APPL2: variants seen among roughly 807,000 people sequenced by gnomAD.
The protein encoded by APPL2 is adaptor protein, phosphotyrosine interacting with PH domain and leucine zipper 2.
A neutral mutation model predicts 92.7 loss-of-function variants in APPL2; 84 were observed. That is an observed-to-expected ratio of 0.91 (90% CI 0.76 to 1.09). The LOEUF (loss-of-function observed/expected upper bound fraction) is 1.09, where lower values mean the gene tolerates loss of function less well. APPL2 is among the 50% of genes least tolerant of loss of function. The pLI is 0.00. For missense variants in APPL2, 736 were observed against 824.5 expected, an observed-to-expected ratio of 0.89 and a Z score of 1.31; for synonymous variants, 291 against 291.0, an observed-to-expected ratio of 1.00 and a Z score of 0.00.
intron 17 of APPL2, among the ~76,000 whole-genome samples, chr12:105,184,449 A>T (rs1326651545): frequency 6.6e-6 from 1 of 152,082 alleles, no homozygotes; most frequent in Non-Finnish European, 1.5e-5. Context: ...GTTTTTGTGT[A>T]GTCATCCTTT....
chr12:105,195,158 A>G (rs1887529128), intron 14 of APPL2, 103 bp downstream of exon 14: 4 of 1,184,878 alleles, frequency 3.4e-6, no homozygotes, highest in Admixed American at 2.0e-5. Context: ...AAACAGGCTG[A>G]AAAACATGCC....
chr12:105,209,212 A>G (rs1488066131), intron 5 of APPL2, among the ~76,000 whole-genome samples: 1 of 152,126 alleles, frequency 6.6e-6, no homozygotes, highest in Non-Finnish European at 1.5e-5. Context: ...AAGGCCGAGA[A>G]ATGTAAGATA....
At chr12:105,232,765 A>C (rs12813304) in intron 1 of APPL2, among the ~76,000 whole-genome samples, 2 of 3,934 alleles carry the variant, frequency 5.1e-4, no homozygotes, top group African/African-American at 1.7e-3. Flanking sequence ...CCCTGTCTCA[A>C]AAAAAAAAAA....
At chr12:105,216,037 A>G (rs1889658273) in intron 4 of APPL2, among the ~76,000 whole-genome samples, 1 of 152,124 alleles carries the variant, frequency 6.6e-6, no homozygotes, top group South Asian at 2.1e-4. Flanking sequence ...ATAAACAACA[A>G]AAAAAGATGG....
intron 17 of APPL2, among the ~76,000 whole-genome samples, chr12:105,187,089 T>G (rs557453537): frequency 1.6e-4 from 24 of 152,342 alleles, no homozygotes; most frequent in Middle Eastern, 3.4e-3. Context: ...TATTTTCCTT[T>G]GATCTTTTTG....
At chr12:105,212,118 CAAAAA>C (rs5800657) in intron 4 of APPL2, among the ~76,000 whole-genome samples, 5 of 72,412 alleles carry the variant, frequency 6.9e-5, no homozygotes, top group South Asian at 7.3e-4. Context: ...GACTCCATCT[CAAAAA>C]AAAAAAAAAA....
Position 105,208,166 on chromosome 12 carries a change from G to A in APPL2, c.407C>T (p.Ala136Val), listed in dbSNP as rs1888910248. The change falls in exon 6 of 21, where the codon GCT (alanine) becomes GTT (valine). Residue 136 changes from alanine (A) to valine (V), a missense_variant. By Grantham distance (64) the Ala-to-Val change is moderately conservative. Transcript: ENST00000258530. ...ATGGAGAAGGTGCCTACCATTGCTA[G>A]CGAGTCCAAATAGATCCTTTAAAGT... ...VSTLKDLFGL[A>V]SNEHDLSMAK... 1.9e-6 allele frequency: 3 copies of A among 1,614,246 alleles called. No homozygotes were observed. Among genetic ancestry groups the A allele is most frequent in the Non-Finnish European group, 2.5e-6 (3 of 1,180,040 alleles).
intron 16 of APPL2, among the ~76,000 whole-genome samples, chr12:105,189,177 C>T (rs1478087543): frequency 6.6e-6 from 1 of 151,010 alleles, no homozygotes; most frequent in African/African-American, 2.5e-5. Context: ...TGTCACTACA[C>T]CTGGCTAATT....
chr12:105,199,336 G>A lies in APPL2; in HGVS notation c.863+37C>T, dbSNP rs141781230. The A allele has an allele frequency of 2.5e-3, 4,049 of 1,594,172 alleles. 11 individuals are homozygous for A. The highest frequency in any genetic ancestry group is 2.7e-3 in the Non-Finnish European group (3,165 of 1,169,084). ...TTTTCAGCCACCTCTTAGGGAAAAC[G>A]GATTTCAGAAAAAGAGGCAGACGGT... On this transcript the variant is annotated intron_variant, in intron 10 of 20. Coordinates refer to ENST00000258530, the MANE Select transcript of APPL2 (RefSeq NM_018171.5).
At chr12:105,191,269 T>C (rs754320887) in intron 14 of APPL2, among the ~76,000 whole-genome samples, 6 of 152,118 alleles carry the variant, frequency 3.9e-5, no homozygotes, top group African/African-American at 9.7e-5. Flanking sequence ...TCTGGAGAAA[T>C]TGAGCAGTTT....
chr12:105,208,107 C>G (rs370240355), intron 6 of APPL2, 51 bp downstream of exon 6: 24 of 1,613,444 alleles, frequency 1.5e-5, no homozygotes, highest in Non-Finnish European at 1.9e-5. Context: ...GTCTCCTCCC[C>G]GCCACAGTAA....
intron 17 of APPL2, among the ~76,000 whole-genome samples, chr12:105,182,707 T>C (rs950538350): frequency 2.0e-5 from 3 of 152,210 alleles, no homozygotes. Flanking sequence ...AAGTGTGACG[T>C]GGTGCTGAGA....
At chr12:105,200,831 CGTAT>C (rs67064501) in intron 9 of APPL2, among the ~76,000 whole-genome samples, 3,081 of 144,406 alleles carry the variant, frequency 0.021, 46 homozygotes, top group African/African-American at 0.041. Flanking sequence ...CCACTCTCTA[CGTAT>C]GTATGTATGT....
At chr12:105,227,059 T>C (rs1390465644) in intron 2 of APPL2, among the ~76,000 whole-genome samples, 1 of 151,792 alleles carries the variant, frequency 6.6e-6, no homozygotes, top group African/African-American at 2.4e-5. Context: ...AGTTAGAGGC[T>C]ACAGTGAGGT....
chr12:105,173,764 T>C lies in APPL2; in HGVS notation c.*550A>G, dbSNP rs1158726528. On this transcript the variant is annotated 3_prime_UTR_variant, in exon 21 of 21. Coordinates refer to ENST00000258530, the MANE Select transcript of APPL2 (RefSeq NM_018171.5). ...AAACTAGACCTGTATCGCGCATCTCTACTAGTGCTTGGGCCTCAAAGCAGT... is the reference window on the plus strand; with the variant it reads ...AAACTAGACCTGTATCGCGCATCTCCACTAGTGCTTGGGCCTCAAAGCAGT... 3 of 152,358 alleles carry C rather than the reference T, an allele frequency of 2.0e-5. No individual in the cohort carries two copies. Among genetic ancestry groups the C allele is most frequent in the African/African-American group, 7.2e-5 (3 of 41,460 alleles). The allele number at this position is 152,358 out of a possible 1,614,324, so 9.4% of individuals were successfully genotyped here. A position where few individuals can be genotyped will look rare whatever the true frequency, so the allele number is the denominator to read the frequency against.
chr12:105,190,038 A>G lies in APPL2; in HGVS notation c.1359T>C (p.Asp453=), dbSNP rs1384104657. The change falls in exon 15 of 21, where the codon GAT becomes GAC. Residue 453 remains aspartate, a synonymous_variant. Transcript: ENST00000258530. The part of the protein sequence containing the change: ...LIAPGTPIQF[D]IVLPATEFLD... ...GGAATTCTGTAGCAGGAAGCACAAT[A>G]TCGAATTGAATCGGCGTTCCAGGCG... 1.2e-6 allele frequency: 2 copies of G among 1,614,158 alleles called. No homozygotes were observed. The highest frequency in any genetic ancestry group is 1.1e-5 in the South Asian group (1 of 91,082).
Position 105,230,940 on chromosome 12 carries a change from G to T in APPL2, c.55-1717C>A, listed in dbSNP as rs9788027. On this transcript the variant is annotated intron_variant, in intron 1 of 20. Coordinates refer to ENST00000258530, the MANE Select transcript of APPL2 (RefSeq NM_018171.5). ...AGAATTTGTACAGTGTATAATTTGT[G>T]TTAGAAGAGCTCTCTGAACTTTCAA... Among the ~76,000 whole-genome samples, 445 of 152,384 alleles carry T rather than the reference G, an allele frequency of 2.9e-3. 19 individuals carry two copies. In the East Asian group the frequency reaches 0.071, roughly 24 times the overall value.
intron 2 of APPL2, 38 bp downstream of exon 2, chr12:105,229,087 C>T (rs1398823585): frequency 3.2e-6 from 5 of 1,542,408 alleles, no homozygotes; most frequent in Middle Eastern, 2.3e-4. Flanking sequence ...GGAGAGAATG[C>T]CCACTCTGCG....
intron 17 of APPL2, among the ~76,000 whole-genome samples, chr12:105,177,997 AC>A (rs1885718662): frequency 6.6e-6 from 1 of 152,020 alleles, no homozygotes; most frequent in Non-Finnish European, 1.5e-5. Flanking sequence ...CACCATGTTG[AC>A]CAGGCTGGTG....
Sources: gnomAD v4.1 joint callset for allele counts (sites outside exome capture counted in the v4.1 genomes callset) on GRCh38, gnomAD v4.1.1 for gene constraint, MANE v1.5 for transcripts, NCBI Gene and HGNC (gene_info 2026-07-23, HGNC 2026-07-21) for gene names.